Variants in ZNF420 observed in about 807,000 individuals in gnomAD.
ZNF420 encodes the protein ATM and p53-associated KZNF protein.
ZNF420 carries 31 observed loss-of-function variants against 44.7 expected under a neutral mutation model. That is an observed-to-expected ratio of 0.69 (90% confidence interval 0.52 to 0.94). The LOEUF (loss-of-function observed/expected upper bound fraction) is 0.94, where lower values mean the gene tolerates loss of function less well. ZNF420 is among the 40% of genes least tolerant of loss of function. ZNF420 has a pLI of 0.00. For missense variants in ZNF420, 681 were observed against 827.9 expected (o/e 0.82, Z 2.18); for synonymous variants, 245 against 267.4 (o/e 0.92, Z 0.82).
chr19:37,032,837 G>A (rs1967288694), intron 1 of ZNF420, among the ~76,000 whole-genome samples: 1 of 152,182 alleles, frequency 6.6e-6, no homozygotes, highest in Non-Finnish European at 1.5e-5. Flanking sequence ...AGAGCAGCAG[G>A]AGGTGGTATA....
chr19:37,112,421 T>C (rs941504475), intron 4 of ZNF420, among the ~76,000 whole-genome samples: 2 of 152,126 alleles, frequency 1.3e-5, no homozygotes, highest in African/African-American at 2.4e-5. Flanking sequence ...CCCTAAGCAA[T>C]GTAAAATCTC....
At chr19:37,019,741 TGG>T (rs1258333711) in intron 1 of ZNF420, among the ~76,000 whole-genome samples, 2 of 149,264 alleles carry the variant, frequency 1.3e-5, no homozygotes, top group East Asian at 3.9e-4. Flanking sequence ...CACTCCCAAT[TGG>T]GGGACAGAGA....
At chr19:37,106,785 T>G (rs1439627618) in intron 4 of ZNF420, 1 of 152,104 alleles carries the variant, frequency 6.6e-6, no homozygotes, top group Admixed American at 6.6e-5. Context: ...GGTCTCTGAG[T>G]TCCCTCAGTA....
intron 1 of ZNF420, among the ~76,000 whole-genome samples, chr19:37,047,841 C>T (rs901216561): frequency 2.0e-5 from 3 of 152,116 alleles, no homozygotes; most frequent in Non-Finnish European, 2.9e-5. Flanking sequence ...CATCTGGAAG[C>T]GAATTGGAAT....
intron 4 of ZNF420, among the ~76,000 whole-genome samples, chr19:37,121,751 T>C (rs532462691): frequency 1.3e-5 from 2 of 152,086 alleles, no homozygotes; most frequent in Admixed American, 6.5e-5. Flanking sequence ...ATATCCAGAA[T>C]CTACAATGAA....
chr19:37,094,403 A>G (rs973321817), intron 4 of ZNF420, among the ~76,000 whole-genome samples: 3 of 152,028 alleles, frequency 2.0e-5, no homozygotes, highest in African/African-American at 7.2e-5. Flanking sequence ...TTATTTTTAA[A>G]AGTTATCTTT....
Position 37,049,820 on chromosome 19 carries a change from A to C in ZNF420, c.-124-30525A>C, listed in dbSNP as rs186186725. Among the ~76,000 whole-genome samples the C allele has an allele frequency of 3.3e-5, 5 of 152,056 alleles. No individual in the cohort carries two copies. The East Asian group carries it at 9.7e-4, about 29-fold the overall frequency. On this transcript the variant is annotated intron_variant, in intron 1 of 4. Transcript: ENST00000587029. Reference sequence around the variant, plus strand: ...CTATGTCCTGAATGGTATTGCCTACATTTTCTTCTAGGGTTTTTATGGTTT... The same window carrying C: ...CTATGTCCTGAATGGTATTGCCTACCTTTTCTTCTAGGGTTTTTATGGTTT...
rs191763716 is a variant in ZNF420 at position 37,047,673 on chromosome 19, T to G, written c.-124-32672T>G. Among the ~76,000 whole-genome samples, 1,050 of 152,356 alleles carry G rather than the reference T, an allele frequency of 6.9e-3. 12 individuals are homozygous for G. The highest frequency in any genetic ancestry group is 0.024 in the African/African-American group (992 of 41,580). ...ATCTCTTACTTTTGGATTTTTACATTTCTGTTGCAAGTGTATTCTTAGGTA... is the reference window on the plus strand; with the variant it reads ...ATCTCTTACTTTTGGATTTTTACATGTCTGTTGCAAGTGTATTCTTAGGTA... On this transcript the variant is annotated intron_variant, in intron 1 of 4. Coordinates refer to the ZNF420 transcript ENST00000587029.
chr19:37,065,068 G>A (rs921558783), intron 1 of ZNF420, among the ~76,000 whole-genome samples: 2 of 152,174 alleles, frequency 1.3e-5, no homozygotes, highest in African/African-American at 4.8e-5. Flanking sequence ...ATGATTTACA[G>A]CTGTGATGGT....
intron 1 of ZNF420, among the ~76,000 whole-genome samples, chr19:37,046,986 A>G (rs1443965143): frequency 1.3e-5 from 2 of 151,648 alleles, no homozygotes; most frequent in African/African-American, 4.8e-5. Flanking sequence ...GCCATTTGAA[A>G]AACAGAAAAG....
At chr19:37,059,520 C>T (rs1233595780) in intron 1 of ZNF420, among the ~76,000 whole-genome samples, 1 of 152,196 alleles carries the variant, frequency 6.6e-6, no homozygotes, top group Non-Finnish European at 1.5e-5. Context: ...GGAACGTCTC[C>T]GGATGCCACG....
chr19:37,085,959 T>TATG (rs1395782709), intron 2 of ZNF420, among the ~76,000 whole-genome samples: 1 of 147,432 alleles, frequency 6.8e-6, no homozygotes, highest in Non-Finnish European at 1.5e-5. Context: ...TTATTATTAT[T>TATG]ATTATTATTA....
intron 1 of ZNF420, among the ~76,000 whole-genome samples, chr19:37,038,678 C>T (rs867138368): frequency 6.6e-5 from 10 of 152,092 alleles, no homozygotes; most frequent in African/African-American, 1.7e-4. Flanking sequence ...TTTGGCAGGG[C>T]GCGGTGGCTC....
At chr19:37,042,564 C>T (rs1309306154) in intron 1 of ZNF420, among the ~76,000 whole-genome samples, 1 of 152,176 alleles carries the variant, frequency 6.6e-6, no homozygotes, top group Admixed American at 6.5e-5. Flanking sequence ...CCAAGGGAGT[C>T]CAAGGGGGAA....
chr19:37,080,558 A>T (rs1968380884), intron 2 of ZNF420, among the ~76,000 whole-genome samples, 170 bp downstream of exon 2: 1 of 152,206 alleles, frequency 6.6e-6, no homozygotes, highest in East Asian at 1.9e-4. Flanking sequence ...TGCTTCCCCA[A>T]TAGTGGTTAA....
In ZNF420 at chr19:37,127,678, G is replaced by C. The variant is rs771958845; in HGVS notation, c.687G>C (p.Gly229=). The C allele has an allele frequency of 6.2e-7, 1 of 1,613,824 alleles. No homozygotes were observed. The highest frequency in any genetic ancestry group is 1.1e-5 in the South Asian group (1 of 91,078). Reference sequence around the variant, plus strand: ...AACCATATAAATGTGAAGAATGTGGGAAAGCCTTTATTCGTAGCTCACAAC... The same window carrying C: ...AACCATATAAATGTGAAGAATGTGGCAAAGCCTTTATTCGTAGCTCACAAC... ...GEKPYKCEEC[G]KAFIRSSQLT... Residue 229 remains glycine, a synonymous_variant, in exon 5 of 5, where the codon GGG becomes GGC. Transcript: ENST00000337995.
At chr19:37,013,981 G>C (rs532107668) in intron 1 of ZNF420, among the ~76,000 whole-genome samples, 3 of 152,208 alleles carry the variant, frequency 2.0e-5, no homozygotes, top group Non-Finnish European at 4.4e-5. Flanking sequence ...CATGCGCTCA[G>C]GGGGCTATGG....
chr19:37,128,672 T>C lies in ZNF420; in HGVS notation c.1681T>C (p.Cys561Arg), dbSNP rs2145364418. The C allele has an allele frequency of 1.2e-6, 2 of 1,614,142 alleles. No homozygotes were observed. The highest frequency in any genetic ancestry group is 1.7e-6 in the Non-Finnish European group (2 of 1,180,002). Residue 561 changes from cysteine to arginine, a missense_variant, in exon 5 of 5, where the codon TGT becomes CGT. Around this residue, in one of 3 missense-constraint regions of ZNF420, gnomAD observed 280 missense variants for 338.6 expected, o/e 0.83. Transcript: ENST00000337995. ...RIHTGEKPYQ[C>R]KECGKAFIRG... ...TCATACTGGTGAGAAACCATATCAA[T>C]GTAAGGAATGTGGGAAAGCCTTTAT...
At chr19:37,068,709 G>A (rs1264515574) in intron 1 of ZNF420, among the ~76,000 whole-genome samples, 1 of 152,064 alleles carries the variant, frequency 6.6e-6, no homozygotes, top group Non-Finnish European at 1.5e-5. Context: ...TAAGTAAAAT[G>A]TAACTAAAAT....
Sources: gnomAD v4.1 joint callset for allele counts (sites outside exome capture counted in the v4.1 genomes callset) on GRCh38, gnomAD v4.1.1 for gene constraint, gnomAD v4.1.1 regional missense constraint, MANE v1.5 for transcripts, NCBI Gene and HGNC (gene_info 2026-07-23, HGNC 2026-07-21) for gene names.